TPMT: variants seen among roughly 807,000 people sequenced by gnomAD.
TPMT encodes the protein S-adenosyl-L-methionine:thiopurine S-methyltransferase.
In TPMT, 18 loss-of-function variants were observed where a neutral mutation model predicts 34.2. The ratio of observed to expected loss-of-function variants is 0.53; its 90% CI spans 0.36 to 0.78. TPMT has a LOEUF of 0.78. Among genes scored for constraint, TPMT ranks in the 30% least tolerant of loss-of-function variants. The pLI, the probability that TPMT is intolerant of heterozygous loss-of-function variation, is 0.00. For synonymous variants in TPMT, 69 were observed against 92.4 expected, an observed-to-expected ratio of 0.75 and a Z score of 1.45; for missense variants, 265 against 288.1, an observed-to-expected ratio of 0.92 and a Z score of 0.58.
At chr6:18,133,963 A>C in intron 6 of TPMT, 74 bp from the exon 7 acceptor site, 1 of 1,238,976 alleles carries the variant, frequency 8.1e-7, no homozygotes, top group Admixed American at 1.8e-5. Flanking sequence ...AAGGCAGGGA[A>C]GGAAGCCAGA....
chr6:18,130,692 CT>C lies in TPMT; in HGVS notation c.713del (p.Lys238SerfsTer10). 6.2e-7 allele frequency: 1 copy of C among 1,611,838 alleles called. No individual in the cohort carries two copies. Among genetic ancestry groups the C allele is most frequent in the African/African-American group, 1.3e-5 (1 of 74,966 alleles). On this transcript the variant is annotated frameshift_variant, in exon 9 of 9. Transcript: ENST00000309983. LOFTEE classifies it high-confidence loss of function. This position sits in a 1 kb window ranked among gnomAD's most constrained non-coding sequence, Gnocchi z 4.2. ...KSWGIDCLFE[K>X]LYLLTEK is the part of the protein sequence containing the mutation. ...TTTACTTTTCTGTAAGTAGATATAACTTTTCAAAAAGACAGTCAATTCCCCA... is the reference window on the plus strand; with the variant it reads ...TTTACTTTTCTGTAAGTAGATATAACTTTCAAAAAGACAGTCAATTCCCCA...
rs1298505164 is a variant in TPMT at position 18,149,778 on chromosome 6, A to G, written c.-44-607T>C. Among the ~76,000 whole-genome samples the G allele has an allele frequency of 6.6e-5, 10 of 152,180 alleles. No individual in the cohort carries two copies. The highest frequency in any genetic ancestry group is 6.5e-4 in the Admixed American group (10 of 15,274). ...CTGCACCTTGCCATTTCAACATCCAATAAGAAGTGATAACAAAAAATTACT... is the reference window on the plus strand; with the variant it reads ...CTGCACCTTGCCATTTCAACATCCAGTAAGAAGTGATAACAAAAAATTACT... On this transcript the variant is annotated intron_variant, in intron 1 of 8. Transcript: ENST00000309983. This position sits in a 1 kb window ranked among gnomAD's most constrained non-coding sequence, Gnocchi z 5.0.
intron 7 of TPMT, 37 bp downstream of exon 7, chr6:18,133,767 A>C: frequency 7.0e-7 from 1 of 1,432,058 alleles, no homozygotes; most frequent in Non-Finnish European, 9.5e-7. Context: ...AAACTAGGCA[A>C]CTGGTAAAAG....
chr6:18,142,935 C>T (rs925937394), intron 4 of TPMT, among the ~76,000 whole-genome samples: 1 of 152,088 alleles, frequency 6.6e-6, no homozygotes, highest in African/African-American at 2.4e-5. Flanking sequence ...CTCAGGGATT[C>T]ATGATGTCTT....
rs982772377 is a variant in TPMT, at chr6:18,139,134, G to A, written c.420-97C>T. The A allele has an allele frequency of 4.6e-6, 5 of 1,084,516 alleles. No homozygotes were observed. The highest frequency in any genetic ancestry group is 2.5e-5 in the South Asian group (2 of 80,342). The allele number at this position is 1,084,516 out of a possible 1,614,324, so 67.2% of individuals were successfully genotyped here. ...GGTGCATGCTGGTACTTCAACAATCGTCAAGGTATTAGGATCTCACGTCTG... is the reference window on the plus strand; with the variant it reads ...GGTGCATGCTGGTACTTCAACAATCATCAAGGTATTAGGATCTCACGTCTG... On this transcript the variant is annotated intron_variant, in intron 5 of 8. Coordinates refer to ENST00000309983, the MANE Select transcript of TPMT (RefSeq NM_000367.5). This position sits in a 1 kb window ranked among gnomAD's most constrained non-coding sequence, Gnocchi z 4.2.
rs61671420 is a variant in TPMT, at chr6:18,145,808, T to C, written c.233+2015A>G. Among the ~76,000 whole-genome samples, 9,094 of 152,238 alleles carry C rather than the reference T, an allele frequency of 0.06. 409 individuals carry two copies. The highest frequency in any genetic ancestry group is 0.16 in the South Asian group (763 of 4,824). Reference sequence around the variant, plus strand: ...ACAGATGGAAAAATGAAGCATAGCCTACTACAACCTGTAATAAAAACAAAA... The same window carrying C: ...ACAGATGGAAAAATGAAGCATAGCCCACTACAACCTGTAATAAAAACAAAA... On this transcript the variant is annotated intron_variant, in intron 3 of 8. Transcript: ENST00000309983. This position sits in a 1 kb window ranked among gnomAD's most constrained non-coding sequence, Gnocchi z 5.6.
In TPMT at chr6:18,136,851, T is replaced by G. The variant is rs187083856; in HGVS notation, c.494+2112A>C. Among the ~76,000 whole-genome samples, 1 of 152,294 alleles carries G rather than the reference T, an allele frequency of 6.6e-6. No homozygotes were observed. Among genetic ancestry groups the G allele is most frequent in the African/African-American group, 2.4e-5 (1 of 41,582 alleles). On this transcript the variant is annotated intron_variant, in intron 6 of 8. Coordinates refer to ENST00000309983, the MANE Select transcript of TPMT (RefSeq NM_000367.5). The surrounding 1 kb of genome is among the most constrained non-coding windows in gnomAD (Gnocchi z 4.7). ...ATTTTTCTCTCATAAAATTTTTTTT[T>G]CTTTCTGGTAGGACAAATATTGGCA...
At chr6:18,141,065 T>C (rs1035299618) in intron 4 of TPMT, among the ~76,000 whole-genome samples, 3 of 152,094 alleles carry the variant, frequency 2.0e-5, no homozygotes, top group Non-Finnish European at 4.4e-5. Context: ...CAAGGGGAGC[T>C]TTAAACAGTA....
chr6:18,144,663 G>A (rs1784216095), intron 3 of TPMT, among the ~76,000 whole-genome samples: 1 of 148,220 alleles, frequency 6.7e-6, no homozygotes, highest in Non-Finnish European at 1.5e-5. Flanking sequence ...ACAGGCGTGA[G>A]CCACCACACC....
intron 6 of TPMT, among the ~76,000 whole-genome samples, chr6:18,134,104 GA>G (rs1316648605): frequency 1.3e-5 from 2 of 152,302 alleles, no homozygotes; most frequent in East Asian, 3.9e-4. Flanking sequence ...GTCCAGATGG[GA>G]ATCAAATCGA....
At chr6:18,151,113 C>T (rs1359345210) in intron 1 of TPMT, among the ~76,000 whole-genome samples, 1 of 150,980 alleles carries the variant, frequency 6.6e-6, no homozygotes, top group Non-Finnish European at 1.5e-5. Flanking sequence ...TTCTATTTTT[C>T]TATATCTTCA....
intron 3 of TPMT, among the ~76,000 whole-genome samples, chr6:18,147,106 C>A (rs752246385): frequency 6.6e-6 from 1 of 152,136 alleles, no homozygotes; most frequent in Non-Finnish European, 1.5e-5. Flanking sequence ...CTAACCTTTT[C>A]ATACATTCTT....
In TPMT at chr6:18,132,868, C is replaced by T. The variant is rs191447348; in HGVS notation, c.581-691G>A. Among the ~76,000 whole-genome samples the T allele has an allele frequency of 2.6e-5, 4 of 151,968 alleles. No individual in the cohort carries two copies. Among genetic ancestry groups the T allele is most frequent in the African/African-American group, 7.2e-5 (3 of 41,476 alleles). On this transcript the variant is annotated intron_variant, in intron 7 of 8. Coordinates refer to ENST00000309983, the MANE Select transcript of TPMT (RefSeq NM_000367.5). This position sits in a 1 kb window ranked among gnomAD's most constrained non-coding sequence, Gnocchi z 4.8. Reference sequence around the variant, plus strand: ...CAGCACTTTGGGAGGCTGAGGAGGGCGGATCACCTGAGGTCAGGAGTTCCA... The same window carrying T: ...CAGCACTTTGGGAGGCTGAGGAGGGTGGATCACCTGAGGTCAGGAGTTCCA...
Position 18,155,005 on chromosome 6 carries a change from C to T in TPMT, c.-45+28G>A, listed in dbSNP as rs986257299. The T allele has an allele frequency of 2.0e-5, 3 of 152,530 alleles. No individual in the cohort carries two copies. The highest frequency in any genetic ancestry group is 4.8e-5 in the African/African-American group (2 of 41,462). 9.4% of individuals were successfully genotyped at this position (152,530 alleles called of 1,614,324 possible). ...CTAGCAAATCGTTCCCTTTCTCACC[C>T]GCACCCTCCGCGCCCGAGTGAGCCT... On this transcript the variant is annotated intron_variant, in intron 1 of 8. Transcript: ENST00000309983. The surrounding 1 kb of genome is among the most constrained non-coding windows in gnomAD (Gnocchi z 6.2).
rs1784258378 is a variant in TPMT, at chr6:18,146,996, T to C, written c.233+827A>G. Among the ~76,000 whole-genome samples the C allele has an allele frequency of 6.6e-6, 1 of 152,198 alleles. No individual in the cohort carries two copies. The highest frequency in any genetic ancestry group is 1.5e-5 in the Non-Finnish European group (1 of 68,050). On this transcript the variant is annotated intron_variant, in intron 3 of 8. Transcript: ENST00000309983. The surrounding 1 kb of genome is among the most constrained non-coding windows in gnomAD (Gnocchi z 6.2). ...ATTTTTTGAGGCAGGGTCTATGTTG[T>C]CCAGACTGGTCTCAAATTCCTGGGC... is the stretch of plus-strand genomic sequence containing the variant.
At chr6:18,151,581 T>G (rs112826498) in intron 1 of TPMT, among the ~76,000 whole-genome samples, 6,141 of 127,870 alleles carry the variant, frequency 0.048, 218 homozygotes, top group African/African-American at 0.15. Context: ...TAGATTTATT[T>G]ATTTATTTAT....
intron 4 of TPMT, among the ~76,000 whole-genome samples, chr6:18,141,037 T>C (rs939531558): frequency 6.6e-6 from 1 of 152,158 alleles, no homozygotes; most frequent in Non-Finnish European, 1.5e-5. Flanking sequence ...GATCTCAACT[T>C]TGCCTGCAGA....
At position 18,145,117 on chromosome 6, in the gene TPMT, A is replaced by T. The variant is rs1226848498; in HGVS notation, c.234-1389T>A. On this transcript the variant is annotated intron_variant, in intron 3 of 8. Transcript: ENST00000309983. This position sits in a 1 kb window ranked among gnomAD's most constrained non-coding sequence, Gnocchi z 5.6. Reference sequence around the variant, plus strand: ...TGATTTTATGTCAAGTGAAATAAAAACATAGTTCTGCTATAATGTAACAAG... The same window carrying T: ...TGATTTTATGTCAAGTGAAATAAAATCATAGTTCTGCTATAATGTAACAAG... Among the ~76,000 whole-genome samples, 1 of 152,194 alleles carries T rather than the reference A, an allele frequency of 6.6e-6. No homozygotes were observed. The highest frequency in any genetic ancestry group is 1.5e-5 in the Non-Finnish European group (1 of 68,038).
At position 18,149,521 on chromosome 6, in the gene TPMT, A is replaced by C. The variant is rs1398416233; in HGVS notation, c.-44-350T>G. On this transcript the variant is annotated intron_variant, in intron 1 of 8. Coordinates refer to ENST00000309983, the MANE Select transcript of TPMT (RefSeq NM_000367.5). This position sits in a 1 kb window ranked among gnomAD's most constrained non-coding sequence, Gnocchi z 5.0. ...TCTTGCTCTGTCACCCAGGCTGGAG[A>C]CCCTGGCTTACTGCAAGCTTCAACC... Among the ~76,000 whole-genome samples, 1 of 148,314 alleles carries C rather than the reference A, an allele frequency of 6.7e-6. No homozygotes were observed. The highest frequency in any genetic ancestry group is 1.5e-5 in the Non-Finnish European group (1 of 67,264).
Sources: allele counts gnomAD v4.1 joint callset (sites outside exome capture counted in the v4.1 genomes callset), GRCh38; gene constraint gnomAD v4.1.1; non-coding constraint Gnocchi (gnomAD v3.1); transcripts MANE v1.5; gene names NCBI Gene and HGNC (gene_info 2026-07-23, HGNC 2026-07-21).